Variants in GTF2E2 observed in about 807,000 individuals in gnomAD.
GTF2E2 encodes the protein general transcription factor IIE subunit 2, also known as transcription initiation factor IIE subunit beta.
GTF2E2 carries 21 observed loss-of-function variants against 40.5 expected under a neutral mutation model. The ratio of observed to expected loss-of-function variants is 0.52; its 90% CI spans 0.37 to 0.75. The LOEUF (loss-of-function observed/expected upper bound fraction) is 0.75. GTF2E2 is among the 30% of genes least tolerant of loss of function. The pLI, the probability that GTF2E2 is intolerant of heterozygous loss-of-function variation, is 0.00. For missense variants in GTF2E2, 298 were observed against 338.4 expected (o/e 0.88, Z 0.94); for synonymous variants, 117 against 121.6 (o/e 0.96, Z 0.25).
At chr8:30,632,662 TAA>T (rs1159784977) in intron 3 of GTF2E2, among the ~76,000 whole-genome samples, 2 of 152,166 alleles carry the variant, frequency 1.3e-5, no homozygotes, top group African/African-American at 4.8e-5. Context: ...GGAACTGATA[TAA>T]GACATTTGAT....
At chr8:30,636,197 G>A (rs1216264151) in intron 2 of GTF2E2, among the ~76,000 whole-genome samples, 1 of 152,118 alleles carries the variant, frequency 6.6e-6, no homozygotes, top group Non-Finnish European at 1.5e-5. Flanking sequence ...ACCAGGAACA[G>A]TAAAAAATCC....
At chr8:30,614,748 G>C (rs767731084) in intron 3 of GTF2E2, 33 bp from the exon 4 acceptor site, 4 of 1,210,958 alleles carry the variant, frequency 3.3e-6, no homozygotes, top group South Asian at 2.5e-5. Flanking sequence ...TTAGAAGACA[G>C]TTTCAAAATG....
chr8:30,636,787 A>T (rs1173151198), intron 2 of GTF2E2: 5 of 269,138 alleles, frequency 1.9e-5, no homozygotes, highest in Non-Finnish European at 1.4e-5. Flanking sequence ...AGAGAGTTGG[A>T]GGTTGCAGTG....
rs565815725 is a variant in GTF2E2 at position 30,601,301 on chromosome 8, G to A, written c.643+5756C>T. Among the ~76,000 whole-genome samples, 62 of 152,320 alleles carry A rather than the reference G, an allele frequency of 4.1e-4. No homozygotes were observed. In the East Asian group the frequency reaches 6.4e-3, roughly 16 times the overall value. ...GATCTTCTTCCACCACCAAGTGTGC[G>A]GAATGACAGGAGCCAGGAAAAGGAA... On this transcript the variant is annotated intron_variant, in intron 6 of 7. Transcript: ENST00000355904.
chr8:30,636,802 G>A (rs547321829), intron 2 of GTF2E2: 62 of 283,824 alleles, frequency 2.2e-4, no homozygotes, highest in Middle Eastern at 1.2e-3. Flanking sequence ...GCAGTGAGCC[G>A]AGATAGTGCC....
At chr8:30,586,520 C>T (rs569375377) in intron 6 of GTF2E2, among the ~76,000 whole-genome samples, 2 of 152,224 alleles carry the variant, frequency 1.3e-5, no homozygotes, top group South Asian at 4.2e-4. Flanking sequence ...TGTCATTTTT[C>T]ACATAAATAG....
chr8:30,631,746 T>C (rs1017619421), intron 3 of GTF2E2, among the ~76,000 whole-genome samples: 4 of 152,206 alleles, frequency 2.6e-5, no homozygotes, highest in African/African-American at 9.6e-5. Flanking sequence ...CATTCCCTTT[T>C]ATTTATACCT....
At chr8:30,650,527 CAAA>C (rs34700093) in intron 2 of GTF2E2, among the ~76,000 whole-genome samples, 2 of 129,470 alleles carry the variant, frequency 1.5e-5, no homozygotes, top group Non-Finnish European at 1.6e-5. Context: ...CCATCTCTAC[CAAA>C]AAAAAAAAAA....
intron 6 of GTF2E2, among the ~76,000 whole-genome samples, chr8:30,581,243 C>G (rs1469814479): frequency 6.6e-6 from 1 of 152,182 alleles, no homozygotes; most frequent in Non-Finnish European, 1.5e-5. Flanking sequence ...CTCACAACTG[C>G]CCCACGCACT....
At chr8:30,632,984 T>C (rs933521156) in intron 3 of GTF2E2, among the ~76,000 whole-genome samples, 4 of 152,108 alleles carry the variant, frequency 2.6e-5, no homozygotes, top group Non-Finnish European at 4.4e-5. Context: ...CAAGAACTAA[T>C]GAAGGAAGAG....
chr8:30,584,661 G>C (rs573486988), intron 6 of GTF2E2: 5 of 152,232 alleles, frequency 3.3e-5, no homozygotes, highest in South Asian at 4.1e-4. Context: ...CCATAGAAGG[G>C]AAGAAAATGA....
At chr8:30,582,579 C>G (rs578073686) in intron 6 of GTF2E2, among the ~76,000 whole-genome samples, 70 of 152,330 alleles carry the variant, frequency 4.6e-4, no homozygotes, top group African/African-American at 1.5e-3. Flanking sequence ...GCCCAGGATC[C>G]TGCCTGTCAC....
chr8:30,584,760 G>A (rs1341599462), intron 6 of GTF2E2: 1 of 152,194 alleles, frequency 6.6e-6, no homozygotes, highest in Non-Finnish European at 1.5e-5. Context: ...AAATGCAAAA[G>A]TAGCACAACA....
chr8:30,581,536 T>C (rs527813226), intron 6 of GTF2E2, among the ~76,000 whole-genome samples: 1 of 152,326 alleles, frequency 6.6e-6, no homozygotes, highest in East Asian at 1.9e-4. Context: ...CCCTGAAGCT[T>C]TTCATTGCAG....
At chr8:30,602,719 A>C (rs1232208218) in intron 6 of GTF2E2, among the ~76,000 whole-genome samples, 1 of 144,720 alleles carries the variant, frequency 6.9e-6, no homozygotes, top group Non-Finnish European at 1.5e-5. Context: ...GCACCATTGC[A>C]CTCCAGCCTG....
At chr8:30,590,545 TCTAACTCCTAGAGGAAAAACCC>T (rs371486765) in intron 6 of GTF2E2, among the ~76,000 whole-genome samples, 7 of 152,132 alleles carry the variant, frequency 4.6e-5, no homozygotes, top group African/African-American at 1.7e-4. Context: ...AAACAAAAAC[TCTAACTCCTAGAGGAAAAACCC>T]CTAACTCCTA....
intron 2 of GTF2E2, chr8:30,637,120 T>G (rs1801628590): frequency 2.3e-6 from 1 of 427,694 alleles, no homozygotes; most frequent in African/African-American, 2.1e-5. Context: ...TCAAATCCAG[T>G]GTAAACCCTG....
intron 2 of GTF2E2, among the ~76,000 whole-genome samples, chr8:30,650,318 A>T (rs1436285431): frequency 6.6e-6 from 1 of 152,198 alleles, no homozygotes; most frequent in Non-Finnish European, 1.5e-5. Context: ...TATCATATTA[A>T]TAGACTAAAG....
rs143146166 is a variant in GTF2E2, at chr8:30,610,153, A to G, written c.549+2146T>C. Among the ~76,000 whole-genome samples the G allele has an allele frequency of 4.8e-3, 733 of 152,302 alleles. 4 individuals carry two copies. The highest frequency in any genetic ancestry group is 0.017 in the African/African-American group (704 of 41,574). On this transcript the variant is annotated intron_variant, in intron 5 of 7. Coordinates refer to ENST00000355904, the MANE Select transcript of GTF2E2 (RefSeq NM_002095.6). ...TGATTTCAAAATATATTACAGAGCTACATTAATCAGGCCAGGTGCAGTGGC... is the reference window on the plus strand; with the variant it reads ...TGATTTCAAAATATATTACAGAGCTGCATTAATCAGGCCAGGTGCAGTGGC...
Sources: allele counts gnomAD v4.1 joint callset (sites outside exome capture counted in the v4.1 genomes callset), GRCh38; gene constraint gnomAD v4.1.1; transcripts MANE v1.5; gene names NCBI Gene and HGNC (gene_info 2026-07-23, HGNC 2026-07-21).